Variants in CDK6 observed in about 807,000 individuals in gnomAD.
The protein encoded by CDK6 is cyclin dependent kinase 6, also known as cyclin-dependent kinase 6.
CDK6 carries 6 observed loss-of-function variants against 37.1 expected under a neutral mutation model. The observed-to-expected ratio is 0.16, with a 90% CI of 0.09 to 0.32. The LOEUF is 0.32. Among genes scored for constraint, CDK6 ranks in the 10% least tolerant of loss-of-function variants. The pLI is 1.00. For synonymous variants in CDK6, 160 were observed against 161.3 expected, an observed-to-expected ratio of 0.99 and a Z score of 0.06; for missense variants, 224 against 418.9, an observed-to-expected ratio of 0.53 and a Z score of 4.06.
At chr7:92,750,234 T>C (rs942302507) in intron 3 of CDK6, among the ~76,000 whole-genome samples, 1 of 152,118 alleles carries the variant, frequency 6.6e-6, no homozygotes, top group African/African-American at 2.4e-5. Context: ...CCTAGCACAG[T>C]ACTAACTGCA....
At chr7:92,676,608 T>C (rs1225951188) in intron 4 of CDK6, among the ~76,000 whole-genome samples, 1 of 152,190 alleles carries the variant, frequency 6.6e-6, no homozygotes, top group African/African-American at 2.4e-5. Context: ...ATAAGGAATA[T>C]AAATATAATC....
At chr7:92,830,325 A>C (rs532268266) in intron 2 of CDK6, among the ~76,000 whole-genome samples, 1 of 152,336 alleles carries the variant, frequency 6.6e-6, no homozygotes, top group African/African-American at 2.4e-5. Flanking sequence ...ATCAAAATTA[A>C]ATCTTAAACT....
intron 4 of CDK6, among the ~76,000 whole-genome samples, chr7:92,694,284 C>A (rs1797660388): frequency 6.6e-6 from 1 of 152,112 alleles, no homozygotes; most frequent in Non-Finnish European, 1.5e-5. Flanking sequence ...TTCTCAACTA[C>A]AAAATCAAGA....
chr7:92,688,581 T>TCACACACA (rs35953301), intron 4 of CDK6, among the ~76,000 whole-genome samples: 3,319 of 127,516 alleles, frequency 0.026, 60 homozygotes, highest in Middle Eastern at 0.065. Flanking sequence ...TACATATACA[T>TCACACACA]CACACACACA....
At chr7:92,625,949 T>G (rs1054317133) in intron 5 of CDK6, among the ~76,000 whole-genome samples, 9 of 152,136 alleles carry the variant, frequency 5.9e-5, no homozygotes, top group African/African-American at 1.9e-4. Context: ...TCTTGATTAG[T>G]GGAAGAATTT....
rs1795555942 is a variant in CDK6, at chr7:92,611,228, T to A, written c.*3912A>T. ...ATCTGTCACAATGTGAAACATGCAT[T>A]CTTTTGAATTATATAAATATCTAAG... On this transcript the variant is annotated 3_prime_UTR_variant, in exon 8 of 8. Transcript: ENST00000424848. 4.4e-6 allele frequency: 1 copy of A among 226,252 alleles called. No homozygotes were observed. The highest frequency in any genetic ancestry group is 8.8e-6 in the Non-Finnish European group (1 of 113,950). 14.0% of individuals were successfully genotyped at this position (226,252 alleles called of 1,614,324 possible). A position where few individuals can be genotyped will look rare whatever the true frequency, so the allele number is the denominator to read the frequency against.
chr7:92,621,269 A>G lies in CDK6; in HGVS notation c.698+1767T>C, dbSNP rs3731360. Among the ~76,000 whole-genome samples the G allele has an allele frequency of 7.2e-3, 1,102 of 152,376 alleles. 6 individuals carry two copies. The highest frequency in any genetic ancestry group is 0.012 in the Non-Finnish European group (790 of 68,046). ...TTGATGACACAATGCCAGAAACCAC[A>G]AAGTAAAATCTAAAGGCACAAACCA... is the stretch of plus-strand genomic sequence containing the variant. On this transcript the variant is annotated intron_variant, in intron 6 of 7. Transcript: ENST00000424848.
intron 4 of CDK6, among the ~76,000 whole-genome samples, chr7:92,711,232 G>A (rs1798080567): frequency 6.6e-6 from 1 of 152,088 alleles, no homozygotes; most frequent in South Asian, 2.1e-4. Flanking sequence ...GGGAGACTGG[G>A]TAAAAATATT....
In CDK6 at chr7:92,634,963, T is replaced by A. The variant is rs756074227; in HGVS notation, c.648-11877A>T. Among the ~76,000 whole-genome samples the A allele has an allele frequency of 1.3e-3, 196 of 152,126 alleles. 2 individuals are homozygous for A. Among genetic ancestry groups the A allele is most frequent in the Admixed American group, 7.2e-4 (11 of 15,266 alleles). On this transcript the variant is annotated intron_variant, in intron 5 of 7. Transcript: ENST00000424848. ...TGTAGTAGAGTCTGTTTTATATTCA[T>A]AGTGAGAAGACTCTGAACCTCCCAG...
At chr7:92,719,757 A>C (rs1322140690) in intron 4 of CDK6, among the ~76,000 whole-genome samples, 2 of 152,234 alleles carry the variant, frequency 1.3e-5, no homozygotes. Flanking sequence ...GGTACCAAAA[A>C]GAATGACCTC....
intron 3 of CDK6, among the ~76,000 whole-genome samples, chr7:92,774,217 A>T (rs1219290147): frequency 1.3e-5 from 2 of 152,150 alleles, no homozygotes; most frequent in African/African-American, 2.4e-5. Context: ...AAAAATGAAG[A>T]AAGAAGGAGG....
At chr7:92,659,452 C>T (rs200386193) in intron 5 of CDK6, among the ~76,000 whole-genome samples, 1 of 152,262 alleles carries the variant, frequency 6.6e-6, no homozygotes, top group East Asian at 1.9e-4. Flanking sequence ...TTGTTTCTTT[C>T]TACCTCTTAA....
chr7:92,803,020 T>C, intron 2 of CDK6, among the ~76,000 whole-genome samples: 1 of 152,244 alleles, frequency 6.6e-6, no homozygotes, highest in Non-Finnish European at 1.5e-5. Context: ...GTTTTTCAAA[T>C]ATGCCCTTCC....
chr7:92,682,311 T>C (rs1301912176), intron 4 of CDK6, among the ~76,000 whole-genome samples: 1 of 152,174 alleles, frequency 6.6e-6, no homozygotes, highest in African/African-American at 2.4e-5. Flanking sequence ...CATTGTCTGT[T>C]CCCCCTTCAG....
Position 92,623,045 on chromosome 7 carries a change from T to C in CDK6, c.689A>G (p.Lys230Arg), listed in dbSNP as rs1301083202. The C allele has an allele frequency of 1.9e-6, 3 of 1,582,304 alleles. No individual in the cohort carries two copies. Among genetic ancestry groups the C allele is most frequent in the Non-Finnish European group, 2.6e-6 (3 of 1,155,732 alleles). The stretch of plus-strand genomic sequence containing the variant: ...TATAATTATTACTTACTCCAAGATT[T>C]TTCCTAGTTGATCAACATCTGAACT... Reference protein sequence around the residue: ...RGSSDVDQLGKILDVIGLPGE... With the variant: ...RGSSDVDQLGRILDVIGLPGE... Residue 230 changes from lysine (K) to arginine (R), a missense_variant, in exon 6 of 8, where the codon AAA becomes AGA. By Grantham distance (26) the Lys-to-Arg change is conservative. This residue lies in a region of CDK6 where 90 missense variants were observed against 136.2 expected (regional missense o/e 0.66). Coordinates refer to ENST00000424848, the MANE Select transcript of CDK6 (RefSeq NM_001145306.2).
At chr7:92,725,536 G>C (rs1798491152) in intron 4 of CDK6, 90 bp downstream of exon 4, 6 of 1,351,772 alleles carry the variant, frequency 4.4e-6, no homozygotes, top group Non-Finnish European at 6.1e-6. Flanking sequence ...GTCATGGGCA[G>C]TACTAACATT....
chr7:92,706,217 G>A (rs973947892), intron 4 of CDK6, among the ~76,000 whole-genome samples: 3 of 152,138 alleles, frequency 2.0e-5, no homozygotes, highest in African/African-American at 7.2e-5. Flanking sequence ...AATACAAAAT[G>A]GCTCAGTACA....
In CDK6 at chr7:92,608,758, G is replaced by A. The variant is rs1795490096; in HGVS notation, c.*6382C>T. 1 of 231,400 alleles carries A rather than the reference G, an allele frequency of 4.3e-6. No individual in the cohort carries two copies. The allele number at this position is 231,400 out of a possible 1,614,324, so 14.3% of individuals were successfully genotyped here. ...AACAGATGCCTCTGAGACAGCAGCA[G>A]GGCACTCTGACCTCGGAAAGCAGCC... On this transcript the variant is annotated 3_prime_UTR_variant, in exon 8 of 8. Coordinates refer to ENST00000424848, the MANE Select transcript of CDK6 (RefSeq NM_001145306.2).
At chr7:92,660,747 A>T (rs1796816316) in intron 5 of CDK6, among the ~76,000 whole-genome samples, 1 of 152,108 alleles carries the variant, frequency 6.6e-6, no homozygotes, top group Non-Finnish European at 1.5e-5. Flanking sequence ...ATACAGAAGG[A>T]TGAAGATGAT....
Sources: allele counts gnomAD v4.1 joint callset (sites outside exome capture counted in the v4.1 genomes callset), GRCh38; gene constraint gnomAD v4.1.1; regional missense constraint gnomAD v4.1.1; transcripts MANE v1.5; gene names NCBI Gene and HGNC (gene_info 2026-07-23, HGNC 2026-07-21).